PLCD4: variants seen among roughly 807,000 people sequenced by gnomAD.
PLCD4 encodes the protein phospholipase C delta 4.
In PLCD4, 63 loss-of-function variants were observed where a neutral mutation model predicts 90.2. The ratio of observed to expected loss-of-function variants is 0.70; its 90% confidence interval spans 0.57 to 0.86. PLCD4 has a LOEUF of 0.86. PLCD4 is among the 40% of genes least tolerant of loss of function. The pLI is 0.00. For synonymous variants in PLCD4, 294 were observed against 356.5 expected (o/e 0.82, Z 1.97); for missense variants, 830 against 956.3 (o/e 0.87, Z 1.74).
At chr2:218,612,272 C>T (rs1000456869) in intron 1 of PLCD4, among the ~76,000 whole-genome samples, 1 of 152,180 alleles carries the variant, frequency 6.6e-6, no homozygotes, top group Non-Finnish European at 1.5e-5. Flanking sequence ...CAAACTGCAT[C>T]CCCACTCAGA....
In PLCD4 at chr2:218,635,895, A is replaced by G; in HGVS notation, c.1996A>G (p.Thr666Ala). 3 of 1,613,972 alleles carry G rather than the reference A, an allele frequency of 1.9e-6. No homozygotes were observed. Among genetic ancestry groups the G allele is most frequent in the Non-Finnish European group, 2.5e-6 (3 of 1,179,890 alleles). ...KVQIFGVRLDTARQETNYVEN... is the reference protein window; with the variant it reads ...KVQIFGVRLDAARQETNYVEN... ...GCAGATCTTTGGCGTTCGTCTAGAC[A>G]CAGCACGGCAGGAGACCAACTATGT... Residue 666 changes from threonine (T) to alanine (A), a missense_variant, in exon 14 of 16, where the codon ACA (threonine) becomes GCA (alanine). Physicochemically the swap from Thr to Ala is moderately conservative, Grantham distance 58. Coordinates refer to ENST00000450993, the MANE Select transcript of PLCD4 (RefSeq NM_032726.4).
intron 4 of PLCD4, 80 bp downstream of exon 4, chr2:218,618,887 G>A: frequency 7.4e-7 from 1 of 1,357,026 alleles, no homozygotes. Flanking sequence ...GTTTAGGAAA[G>A]GTGAGAAGGG....
At chr2:218,614,740 C>T (rs1407966686) in intron 1 of PLCD4, among the ~76,000 whole-genome samples, 4 of 151,892 alleles carry the variant, frequency 2.6e-5, no homozygotes, top group Non-Finnish European at 5.9e-5. Context: ...CGTGAGCCAC[C>T]GCACCCAGCC....
intron 6 of PLCD4, 46 bp downstream of exon 6, chr2:218,622,924 G>A (rs1246468538): frequency 6.6e-7 from 1 of 1,525,166 alleles, no homozygotes; most frequent in South Asian, 1.2e-5. Flanking sequence ...GGGTTGGAGA[G>A]AGGGACATGA....
At chr2:218,624,226 A>T (rs1332137705) in intron 6 of PLCD4, among the ~76,000 whole-genome samples, 1 of 152,172 alleles carries the variant, frequency 6.6e-6, no homozygotes, top group Non-Finnish European at 1.5e-5. Flanking sequence ...TCTGGGTCTA[A>T]ACTCTTACTC....
chr2:218,628,247 G>C lies in PLCD4; in HGVS notation c.974+17G>C, dbSNP rs1696202268. 6.2e-7 allele frequency: 1 copy of C among 1,610,066 alleles called. No homozygotes were observed. Among genetic ancestry groups the C allele is most frequent in the Non-Finnish European group, 8.5e-7 (1 of 1,176,536 alleles). On this transcript the variant is annotated intron_variant, in intron 7 of 15. Transcript: ENST00000450993. ...ATATATACGGTGCAGTGGTGGTAGA[G>C]AAGGGGTCCAACTCATGAGAGGGAC...
intron 5 of PLCD4, 119 bp downstream of exon 5, chr2:218,621,718 G>GCTAGGCTCAATGCC (rs376175707): frequency 1.5e-6 from 2 of 1,305,174 alleles, no homozygotes; most frequent in Non-Finnish European, 2.2e-6. Context: ...TGCCCTAAGT[G>GCTAGGCTCAATGCC]CTAGGCTCAA....
intron 6 of PLCD4, among the ~76,000 whole-genome samples, chr2:218,624,173 TAA>T (rs1242398068): frequency 1.3e-5 from 2 of 152,206 alleles, no homozygotes; most frequent in Non-Finnish European, 2.9e-5. Context: ...AGAATGAGGA[TAA>T]GAGATGGGAT....
intron 6 of PLCD4, among the ~76,000 whole-genome samples, chr2:218,623,314 C>T (rs59341668): frequency 0.034 from 5,229 of 152,298 alleles, 121 homozygotes; most frequent in East Asian, 0.12. Context: ...GCTCGCTGCC[C>T]TTTCCTGAGT....
At chr2:218,631,983 C>G (rs1696398146) in intron 9 of PLCD4, among the ~76,000 whole-genome samples, 153 bp from the exon 10 acceptor site, 1 of 151,994 alleles carries the variant, frequency 6.6e-6, no homozygotes, top group Admixed American at 6.6e-5. Context: ...TATGGGAATT[C>G]CAATTGTATG....
chr2:218,618,004 G>A (rs536959889), intron 3 of PLCD4, among the ~76,000 whole-genome samples: 2 of 152,040 alleles, frequency 1.3e-5, no homozygotes, highest in South Asian at 2.1e-4. Context: ...GGAGAATGGC[G>A]TGAACCTGGG....
chr2:218,632,129 C>T lies in PLCD4; in HGVS notation c.1273-7C>T, dbSNP rs757838571. ...GGTAGACAGGCCCCTTCATTTTTGT[C>T]CCCTAGGAGCTTCGGAGGAAGATCC... On this transcript the variant is annotated splice_polypyrimidine_tract_variant and splice_region_variant and intron_variant, in intron 9 of 15. Coordinates refer to ENST00000450993, the MANE Select transcript of PLCD4 (RefSeq NM_032726.4). 5.0e-6 allele frequency: 8 copies of T among 1,596,988 alleles called. No individual in the cohort carries two copies. The highest frequency in any genetic ancestry group is 4.0e-5 in the African/African-American group (3 of 74,458).
chr2:218,629,768 A>T, intron 8 of PLCD4, 105 bp downstream of exon 8: 4 of 1,274,272 alleles, frequency 3.1e-6, no homozygotes, highest in Non-Finnish European at 4.3e-6. Flanking sequence ...AAGTTCCATC[A>T]AAAGAGGATT....
chr2:218,635,729 T>G (rs955435345), intron 13 of PLCD4, 67 bp from the exon 14 acceptor site: 8 of 1,547,642 alleles, frequency 5.2e-6, no homozygotes, highest in Non-Finnish European at 7.0e-6. Flanking sequence ...TCCCCTGGGG[T>G]TGGGAGTAGG....
rs1422749739 is a variant in PLCD4, at chr2:218,615,892, T to C, written c.23-12T>C. 1 of 1,613,586 alleles carries C rather than the reference T, an allele frequency of 6.2e-7. No homozygotes were observed. Among genetic ancestry groups the C allele is most frequent in the Admixed American group, 1.7e-5 (1 of 60,004 alleles). On this transcript the variant is annotated splice_polypyrimidine_tract_variant and intron_variant, in intron 2 of 15. Coordinates refer to ENST00000450993, the MANE Select transcript of PLCD4 (RefSeq NM_032726.4). ...TCTGCTGGCTACCTAACCCCTGCTT[T>C]TCCTGACCTAGAGCTGACCACTGAT...
At position 218,632,242 on chromosome 2, in the gene PLCD4, C is replaced by A; in HGVS notation, c.1379C>A (p.Ala460Glu). Residue 460 changes from alanine to glutamate, a missense_variant, in exon 10 of 16, where the codon GCG becomes GAG. Ala to Glu is a moderately radical substitution (Grantham distance 107, BLOSUM62 -1). Coordinates refer to ENST00000450993, the MANE Select transcript of PLCD4 (RefSeq NM_032726.4). ...CCTGAGTTGGAAGAGTCAGAATTGGCGCTGGAGTCCCAGTTTGAGACTGAG... is the reference window on the plus strand; with the variant it reads ...CCTGAGTTGGAAGAGTCAGAATTGGAGCTGGAGTCCCAGTTTGAGACTGAG... ...AEPELEESEL[A>E]LESQFETEPE... 1.2e-6 allele frequency: 2 copies of A among 1,611,178 alleles called. No homozygotes were observed. The highest frequency in any genetic ancestry group is 1.7e-4 in the Middle Eastern group (1 of 6,016).
Position 218,615,939 on chromosome 2 carries a change from G to C in PLCD4, c.58G>C (p.Glu20Gln). The change falls in exon 3 of 16, where the codon GAA (glutamate) becomes CAA (glutamine). Residue 20 changes from glutamate to glutamine, a missense_variant. Transcript: ENST00000450993. ...TTDQDLLLMQ[E>Q]GMPMRKVRSK... Reference sequence around the variant, plus strand: ...TGATCAGGACTTGCTGCTGATGCAGGAAGGCATGCCGATGCGCAAGGTGAG... The same window carrying C: ...TGATCAGGACTTGCTGCTGATGCAGCAAGGCATGCCGATGCGCAAGGTGAG... 1 of 1,614,036 alleles carries C rather than the reference G, an allele frequency of 6.2e-7. No individual in the cohort carries two copies. Among genetic ancestry groups the C allele is most frequent in the South Asian group, 1.1e-5 (1 of 91,080 alleles).
At chr2:218,609,804 C>G (rs1467610255) in intron 1 of PLCD4, 1 of 152,252 alleles carries the variant, frequency 6.6e-6, no homozygotes, top group Admixed American at 6.5e-5. Flanking sequence ...AGTGTCCTCC[C>G]TTCTGGACCA....
Position 218,615,768 on chromosome 2 carries a change from G to T in PLCD4, c.22+7G>T. On this transcript the variant is annotated splice_region_variant and intron_variant, in intron 2 of 15. Coordinates refer to ENST00000450993, the MANE Select transcript of PLCD4 (RefSeq NM_032726.4). ...GCGTCCCTGCTGCAAGACCGTGAGT[G>T]CCGGGGCCCCTGCAGGGGAAGAGGC... 1 of 1,606,136 alleles carries T rather than the reference G, an allele frequency of 6.2e-7. No homozygotes were observed. The highest frequency in any genetic ancestry group is 8.5e-7 in the Non-Finnish European group (1 of 1,176,112).
Sources: gnomAD v4.1 joint callset for allele counts (sites outside exome capture counted in the v4.1 genomes callset) on GRCh38, gnomAD v4.1.1 for gene constraint, MANE v1.5 for transcripts, NCBI Gene and HGNC (gene_info 2026-07-23, HGNC 2026-07-21) for gene names.